Variants in GPR158 observed in about 807,000 individuals in gnomAD.
The protein encoded by GPR158 is G protein-coupled receptor 158.
GPR158 carries 30 observed loss-of-function variants against 78.2 expected under a neutral mutation model. The ratio of observed to expected loss-of-function variants is 0.38; its 90% confidence interval spans 0.29 to 0.52. GPR158 has a LOEUF of 0.52. Ranked by LOEUF, GPR158 falls within the 20% of genes least tolerant of loss-of-function variation. The probability of loss-of-function intolerance (pLI) is 0.83; values close to 1 mark genes in which losing one functional copy is unlikely to be tolerated. For missense variants in GPR158, 1,463 were observed against 1,523.5 expected, an observed-to-expected ratio of 0.96 and a Z score of 0.66; for synonymous variants, 581 against 591.1, an observed-to-expected ratio of 0.98 and a Z score of 0.25.
At position 25,378,991 on chromosome 10, in the gene GPR158, G is replaced by A. The variant is rs555511530; in HGVS notation, c.1009-16920G>A. Among the ~76,000 whole-genome samples, 5 of 152,028 alleles carry A rather than the reference G, an allele frequency of 3.3e-5. No individual in the cohort carries two copies. The South Asian group carries it at 8.3e-4, about 25-fold the overall frequency. ...AATTTTTCTGAGATGGGGTCTCACC[G>A]TGTTGCCCAGGCTGGTCTCAAAGTC... On this transcript the variant is annotated intron_variant, in intron 2 of 10. Coordinates refer to ENST00000376351, the MANE Select transcript of GPR158 (RefSeq NM_020752.3).
At chr10:25,564,308 G>A (rs966391728) in intron 6 of GPR158, among the ~76,000 whole-genome samples, 2 of 152,112 alleles carry the variant, frequency 1.3e-5, no homozygotes, top group East Asian at 3.9e-4. Context: ...GGCCTTTTGT[G>A]AGAATGTTCC....
chr10:25,429,106 C>A (rs1297965727), intron 4 of GPR158, among the ~76,000 whole-genome samples: 2 of 151,926 alleles, frequency 1.3e-5, no homozygotes, highest in Non-Finnish European at 2.9e-5. Context: ...CTATATCTGT[C>A]CAAGATATAT....
At chr10:25,411,311 A>G (rs947429885) in intron 3 of GPR158, among the ~76,000 whole-genome samples, 2 of 152,164 alleles carry the variant, frequency 1.3e-5, no homozygotes, top group Admixed American at 1.3e-4. Flanking sequence ...AAATTACATG[A>G]TAGCTTGTAA....
In GPR158 at chr10:25,597,526, T is replaced by A. The variant is rs536224795; in HGVS notation, c.2146-246T>A. Among the ~76,000 whole-genome samples the A allele has an allele frequency of 1.6e-3, 247 of 152,300 alleles. 1 individual carries two copies. The highest frequency in any genetic ancestry group is 3.0e-3 in the Non-Finnish European group (207 of 68,026). ...AAAGTACAAATCAGAAGGTGCTTGC[T>A]CCTTGAAGCAAGGTTAGAATACGTG... On this transcript the variant is annotated intron_variant, in intron 10 of 10. Transcript: ENST00000376351.
At chr10:25,187,861 C>T (rs550120646) in intron 1 of GPR158, among the ~76,000 whole-genome samples, 1 of 152,318 alleles carries the variant, frequency 6.6e-6, no homozygotes, top group Non-Finnish European at 1.5e-5. Flanking sequence ...TTGCAGATGA[C>T]ATGATTGTAT....
At chr10:25,334,541 A>G (rs558765879) in intron 2 of GPR158, among the ~76,000 whole-genome samples, 18 of 152,092 alleles carry the variant, frequency 1.2e-4, no homozygotes, top group Middle Eastern at 3.4e-3. Flanking sequence ...TTCAGTAAGC[A>G]ATCCAATTTC....
chr10:25,568,512 C>T (rs115622696), intron 6 of GPR158, among the ~76,000 whole-genome samples: 2,314 of 152,174 alleles, frequency 0.015, 48 homozygotes, highest in African/African-American at 0.053. Flanking sequence ...AAGGTTCCAG[C>T]CACACCAAAA....
intron 5 of GPR158, among the ~76,000 whole-genome samples, chr10:25,493,829 T>C (rs1244706217): frequency 6.6e-6 from 1 of 152,220 alleles, no homozygotes; most frequent in African/African-American, 2.4e-5. Context: ...ATTGTTTAAT[T>C]AGACTTAACA....
At chr10:25,243,887 A>G (rs1853657049) in intron 2 of GPR158, among the ~76,000 whole-genome samples, 1 of 152,204 alleles carries the variant, frequency 6.6e-6, no homozygotes, top group African/African-American at 2.4e-5. Flanking sequence ...TGTGTTTATC[A>G]TAGAGGCTTA....
chr10:25,473,003 T>C (rs1302810909), intron 5 of GPR158, among the ~76,000 whole-genome samples: 1 of 151,894 alleles, frequency 6.6e-6, no homozygotes, highest in Non-Finnish European at 1.5e-5. Flanking sequence ...TGAATAGGAG[T>C]GGTGAGAGAG....
chr10:25,279,217 C>T (rs1374177652), intron 2 of GPR158, among the ~76,000 whole-genome samples: 3 of 152,150 alleles, frequency 2.0e-5, no homozygotes, highest in Admixed American at 6.6e-5. Flanking sequence ...ACATAAATTT[C>T]ACGCTAGTGA....
Position 25,591,531 on chromosome 10 carries a change from C to G in GPR158, c.1892+2386C>G, listed in dbSNP as rs531007954. 4.6e-5 allele frequency among the ~76,000 whole-genome samples: 7 copies of G among 152,186 alleles called. No homozygotes were observed. The East Asian group carries it at 9.6e-4, about 21-fold the overall frequency. On this transcript the variant is annotated intron_variant, in intron 8 of 10. Coordinates refer to ENST00000376351, the MANE Select transcript of GPR158 (RefSeq NM_020752.3). ...TCTGATTGAATGCTCCATGTTGAAC[C>G]TAGTAAATTTGGTGTTGAATAGACA...
intron 5 of GPR158, chr10:25,475,828 T>G (rs1250881375): frequency 6.6e-6 from 1 of 152,130 alleles, no homozygotes; most frequent in Non-Finnish European, 1.5e-5. Flanking sequence ...AATAGAATTG[T>G]TTTTAGGGCT....
intron 7 of GPR158, among the ~76,000 whole-genome samples, chr10:25,573,571 A>G (rs1837043548): frequency 6.6e-6 from 1 of 152,236 alleles, no homozygotes; most frequent in Admixed American, 6.5e-5. Flanking sequence ...AGGAAAACAC[A>G]TAGGAATTTT....
intron 7 of GPR158, among the ~76,000 whole-genome samples, chr10:25,586,814 A>T (rs779928664): frequency 6.6e-5 from 10 of 152,204 alleles, no homozygotes; most frequent in Non-Finnish European, 1.2e-4. Context: ...AGTTTCAGAA[A>T]AATGAACCTG....
intron 2 of GPR158, among the ~76,000 whole-genome samples, chr10:25,283,624 G>T (rs1225817634): frequency 6.6e-6 from 1 of 151,616 alleles, no homozygotes; most frequent in Non-Finnish European, 1.5e-5. Context: ...ATTGATTTTT[G>T]CTCATATTTT....
rs199592333 is a variant in GPR158, at chr10:25,551,009, C to T, written c.1438C>T (p.Arg480Cys). The change falls in exon 6 of 11, where the codon CGC becomes TGC. Residue 480 changes from arginine to cysteine, a missense_variant. Physicochemically the swap from Arg to Cys is radical, Grantham distance 180 (BLOSUM62 -3). Coordinates refer to ENST00000376351, the MANE Select transcript of GPR158 (RefSeq NM_020752.3). The part of the protein sequence containing the change: ...VILYFEPSTF[R>C]CILLRWARLL... The stretch of plus-strand genomic sequence containing the variant: ...TTTGTACTTTGAGCCAAGCACATTT[C>T]GCTGTATTCTCCTAAGATGGGCTCG... 14 of 1,609,098 alleles carry T rather than the reference C, an allele frequency of 8.7e-6. No homozygotes were observed. The highest frequency in any genetic ancestry group is 4.5e-5 in the East Asian group (2 of 44,830).
chr10:25,191,627 C>A (rs2130642827), intron 1 of GPR158, among the ~76,000 whole-genome samples: 1 of 152,280 alleles, frequency 6.6e-6, no homozygotes, highest in Non-Finnish European at 1.5e-5. Flanking sequence ...GAAACAGCTT[C>A]ATATAAACAG....
rs183863243 is a variant in GPR158 at position 25,331,304 on chromosome 10, A to G, written c.1009-64607A>G. 3.3e-3 allele frequency among the ~76,000 whole-genome samples: 504 copies of G among 152,312 alleles called. 2 individuals carry two copies. Among genetic ancestry groups the G allele is most frequent in the African/African-American group, 0.011 (464 of 41,570 alleles). On this transcript the variant is annotated intron_variant, in intron 2 of 10. Transcript: ENST00000376351. ...ATCTACTGAGTAGAATACTGCTTTC[A>G]TATCTGCCACTGGTAAGGGAAAGGG... is the stretch of plus-strand genomic sequence containing the variant.
Sources: allele counts gnomAD v4.1 joint callset (sites outside exome capture counted in the v4.1 genomes callset), GRCh38; gene constraint gnomAD v4.1.1; transcripts MANE v1.5; gene names NCBI Gene and HGNC (gene_info 2026-07-23, HGNC 2026-07-21).